NCKAP5: variants seen among roughly 807,000 people sequenced by gnomAD.
The protein encoded by NCKAP5 is NCK associated protein 5, also known as nck-associated protein 5.
A neutral mutation model predicts 167.0 loss-of-function variants in NCKAP5; 92 were observed. The ratio of observed to expected loss-of-function variants is 0.55; its 90% CI spans 0.47 to 0.66. NCKAP5 has a LOEUF of 0.66. NCKAP5 is among the 30% of genes least tolerant of loss of function. The pLI, the probability that NCKAP5 is intolerant of heterozygous loss-of-function variation, is 0.00. For synonymous variants in NCKAP5, 891 were observed against 877.4 expected, an observed-to-expected ratio of 1.02 and a Z score of -0.27; for missense variants, 2,378 against 2,315.0, an observed-to-expected ratio of 1.03 and a Z score of -0.56.
intron 2 of NCKAP5, among the ~76,000 whole-genome samples, chr2:133,553,846 G>A (rs1289319077): frequency 6.6e-6 from 1 of 152,192 alleles, no homozygotes; most frequent in East Asian, 1.9e-4. Context: ...TGTGTAACAA[G>A]TTACCACAAA....
intron 9 of NCKAP5, among the ~76,000 whole-genome samples, chr2:132,870,898 T>C (rs1690762109): frequency 6.6e-6 from 1 of 151,806 alleles, no homozygotes; most frequent in African/African-American, 2.4e-5. Context: ...CCACAAGCAG[T>C]AAAAGACTAA....
chr2:133,240,734 TG>T (rs1392792773), intron 4 of NCKAP5, among the ~76,000 whole-genome samples: 1 of 152,228 alleles, frequency 6.6e-6, no homozygotes, highest in Non-Finnish European at 1.5e-5. Flanking sequence ...AGACCCAAGC[TG>T]GCATATGGCA....
Position 132,963,800 on chromosome 2 carries a change from C to A in NCKAP5, c.499G>T (p.Asp167Tyr), listed in dbSNP as rs1292276234. Residue 167 changes from aspartate to tyrosine, a missense_variant, in exon 8 of 20, where the codon GAT becomes TAT. Physicochemically the swap from Asp to Tyr is radical, Grantham distance 160 (BLOSUM62 -3). Around this residue, in one of 3 missense-constraint regions of NCKAP5, gnomAD observed 1,049 missense variants for 1,023.4 expected, o/e 1.02. Coordinates refer to ENST00000409261, the MANE Select transcript of NCKAP5 (RefSeq NM_207363.3). ...GTACTGCTGCTTTCACTCCTCGAATCCTCATCAACCACCATGTGAAGATCT... is the reference window on the plus strand; with the variant it reads ...GTACTGCTGCTTTCACTCCTCGAATACTCATCAACCACCATGTGAAGATCT... ...LEDLHMVVDE[D>Y]SRSESSSTDE... 1 of 1,613,920 alleles carries A rather than the reference C, an allele frequency of 6.2e-7. No individual in the cohort carries two copies. Among genetic ancestry groups the A allele is most frequent in the South Asian group, 1.1e-5 (1 of 91,076 alleles).
chr2:133,344,545 A>C (rs1047840346), intron 3 of NCKAP5, among the ~76,000 whole-genome samples: 6 of 152,162 alleles, frequency 3.9e-5, no homozygotes, highest in African/African-American at 1.4e-4. Context: ...AAAAGGGAAA[A>C]CAGGATGACC....
Position 132,783,018 on chromosome 2 carries a change from C to A in NCKAP5, c.3793G>T (p.Ala1265Ser). Residue 1265 changes from alanine (A) to serine (S), a missense_variant, in exon 14 of 20, where the codon GCT (alanine) becomes TCT (serine). Physicochemically the swap from Ala to Ser is moderately conservative, Grantham distance 99. Around this residue, in one of 3 missense-constraint regions of NCKAP5, gnomAD observed 1,325 missense variants for 1,274.5 expected, o/e 1.04. Transcript: ENST00000409261. ...GCTTTGGCGCCATTCATACCCAGAG[C>A]TGGTTTTAGGTGTGGTTTGCTGGAG... The part of the protein sequence containing the change: ...LSSSKPHLKP[A>S]LGMNGAKARS... 4 of 1,613,794 alleles carry A rather than the reference C, an allele frequency of 2.5e-6. No individual in the cohort carries two copies. The highest frequency in any genetic ancestry group is 3.4e-6 in the Non-Finnish European group (4 of 1,179,832).
At chr2:133,613,701 G>A in the NCKAP5 span, among the ~76,000 whole-genome samples, 2 of 152,074 alleles carry the variant, frequency 1.3e-5, no homozygotes, top group African/African-American at 2.4e-5. Flanking sequence ...GCCCACATGC[G>A]GACTGGTTCT....
At chr2:133,337,591 T>C (rs1248626896) in intron 3 of NCKAP5, among the ~76,000 whole-genome samples, 1 of 152,156 alleles carries the variant, frequency 6.6e-6, no homozygotes, top group Admixed American at 6.5e-5. Flanking sequence ...ACTGGTATCC[T>C]TGTAGAAGAA....
At chr2:132,719,063 G>A (rs999356546) in intron 19 of NCKAP5, among the ~76,000 whole-genome samples, 18 of 152,210 alleles carry the variant, frequency 1.2e-4, no homozygotes, top group African/African-American at 4.3e-4. Flanking sequence ...AGAGAAGAAG[G>A]GTGTTAGTAC....
At chr2:132,995,679 C>A (rs1194674826) in intron 6 of NCKAP5, among the ~76,000 whole-genome samples, 2 of 125,266 alleles carry the variant, frequency 1.6e-5, no homozygotes, top group Admixed American at 8.0e-5. Flanking sequence ...AACAAACAAA[C>A]AAAAAACATT....
intron 6 of NCKAP5, among the ~76,000 whole-genome samples, chr2:133,091,943 A>C (rs144086505): frequency 1.3e-4 from 20 of 152,230 alleles, no homozygotes; most frequent in African/African-American, 4.3e-4. Context: ...AGCAGCAATA[A>C]ATTTCTTTCC....
chr2:132,928,629 G>A (rs1269736400), intron 8 of NCKAP5, among the ~76,000 whole-genome samples: 1 of 152,072 alleles, frequency 6.6e-6, no homozygotes, highest in Non-Finnish European at 1.5e-5. Context: ...TTAAAGTCCA[G>A]GAAGACAAAT....
intron 6 of NCKAP5, among the ~76,000 whole-genome samples, chr2:133,030,348 G>A (rs1019643351): frequency 1.3e-5 from 2 of 152,160 alleles, no homozygotes; most frequent in Non-Finnish European, 2.9e-5. Flanking sequence ...TGAGGGACAG[G>A]CCAAGGGAGC....
At chr2:132,954,637 T>C (rs1274086758) in intron 8 of NCKAP5, 3 of 454,836 alleles carry the variant, frequency 6.6e-6, no homozygotes, top group Non-Finnish European at 1.3e-5. Context: ...TATTGAATAA[T>C]GTGGAGAAAC....
intron 4 of NCKAP5, among the ~76,000 whole-genome samples, chr2:133,265,959 C>T (rs1017775057): frequency 6.6e-6 from 1 of 152,210 alleles, no homozygotes; most frequent in Non-Finnish European, 1.5e-5. Flanking sequence ...TTGGGAGGAC[C>T]ACAGAACTCA....
At chr2:132,778,353 CAT>C (rs1682728749) in intron 15 of NCKAP5, among the ~76,000 whole-genome samples, 1 of 151,992 alleles carries the variant, frequency 6.6e-6, no homozygotes, top group African/African-American at 2.4e-5. Context: ...GACTTTGAAA[CAT>C]ATTTTAGAAT....
intron 3 of NCKAP5, among the ~76,000 whole-genome samples, chr2:133,348,812 C>T (rs1684155002): frequency 6.6e-6 from 1 of 152,098 alleles, no homozygotes; most frequent in Admixed American, 6.5e-5. Flanking sequence ...ACCTGCTGCC[C>T]AGCTGGGAAG....
chr2:133,637,476 C>CAAAAAAAAAAAAAAAAAAAAA, the NCKAP5 span, among the ~76,000 whole-genome samples: 10 of 31,664 alleles, frequency 3.2e-4, no homozygotes, highest in East Asian at 2.1e-3. Flanking sequence ...TGGTATTTTC[C>CAAAAAAAAAAAAAAAAAAAAA]AAAAAAAAAA....
chr2:132,803,715 C>T (rs1238672565), intron 11 of NCKAP5, among the ~76,000 whole-genome samples: 2 of 152,172 alleles, frequency 1.3e-5, no homozygotes, highest in Non-Finnish European at 2.9e-5. Context: ...AGACCTTGCC[C>T]TAAAGAGCCT....
Position 133,334,985 on chromosome 2 carries a change from C to T in NCKAP5, c.70-31875G>A, listed in dbSNP as rs992880445. On this transcript the variant is annotated intron_variant, in intron 3 of 19. Transcript: ENST00000409261. ...CCATTTACTTGAGGTCATTCACTAC[C>T]TCCTATAATAATGACACACATTTGC... 2.0e-5 allele frequency among the ~76,000 whole-genome samples: 3 copies of T among 152,244 alleles called. No individual in the cohort carries two copies. The East Asian group carries it at 5.8e-4, about 29-fold the overall frequency.
Sources: allele counts gnomAD v4.1 joint callset (sites outside exome capture counted in the v4.1 genomes callset), GRCh38; gene constraint gnomAD v4.1.1; regional missense constraint gnomAD v4.1.1; transcripts MANE v1.5; gene names NCBI Gene and HGNC (gene_info 2026-07-23, HGNC 2026-07-21).